Variants in DUSP16 observed in about 807,000 individuals in gnomAD.
DUSP16 encodes the protein dual specificity protein phosphatase 16.
Under a neutral mutation model 58.3 loss-of-function variants are expected in DUSP16, and 21 were observed. The ratio of observed to expected loss-of-function variants is 0.36; its 90% confidence interval spans 0.26 to 0.52. DUSP16 has a LOEUF of 0.52. Among genes scored for constraint, DUSP16 ranks in the 20% least tolerant of loss-of-function variants. The pLI, the probability that DUSP16 is intolerant of heterozygous loss-of-function variation, is 0.94. For synonymous variants in DUSP16, 320 were observed against 323.8 expected (o/e 0.99, Z 0.12); for missense variants, 726 against 819.0 (o/e 0.89, Z 1.39).
At chr12:12,543,743 A>G (rs561198629) in intron 1 of DUSP16, among the ~76,000 whole-genome samples, 100 of 152,274 alleles carry the variant, frequency 6.6e-4, no homozygotes, top group African/African-American at 2.3e-3. Context: ...AGAAAAAAAG[A>G]ATTGGTTTAT....
In DUSP16 at chr12:12,562,843, C is replaced by T. The variant is rs983561410; in HGVS notation, c.-1092G>A. On this transcript the variant is annotated 5_prime_UTR_variant, in exon 1 of 7. Coordinates refer to ENST00000298573, the MANE Select transcript of DUSP16 (RefSeq NM_030640.3). Reference sequence around the variant, plus strand: ...TCGGGGAGGGGTCAGGTCATGTTCCCTTCCAGAGTCCGGCGACTCTGAGGC... The same window carrying T: ...TCGGGGAGGGGTCAGGTCATGTTCCTTTCCAGAGTCCGGCGACTCTGAGGC... Among the ~76,000 whole-genome samples the T allele has an allele frequency of 1.3e-5, 2 of 151,866 alleles. No homozygotes were observed. The highest frequency in any genetic ancestry group is 2.1e-4 in the South Asian group (1 of 4,838).
rs747693297 is a variant in DUSP16 at position 12,477,651 on chromosome 12, T to G, written c.1180A>C (p.Asn394His). The G allele has an allele frequency of 6.2e-7, 1 of 1,614,238 alleles. No homozygotes were observed. The highest frequency in any genetic ancestry group is 8.5e-7 in the Non-Finnish European group (1 of 1,180,046). Residue 394 changes from asparagine (N) to histidine (H), a missense_variant, in exon 7 of 7, where the codon AAT becomes CAT. Physicochemically the swap from Asn to His is moderately conservative, Grantham distance 68 (BLOSUM62 1). Transcript: ENST00000298573. This position sits in a 1 kb window ranked among gnomAD's most constrained non-coding sequence, Gnocchi z 4.1. ...HLSADRLEDS[N>H]KLKRSFSLDI... The stretch of plus-strand genomic sequence containing the variant: ...AGAGAGAAGGAACGCTTGAGCTTAT[T>G]GCTGTCTTCCAGCCTGTCTGCGGAC...
intron 3 of DUSP16, among the ~76,000 whole-genome samples, chr12:12,518,281 G>A (rs1401428776): frequency 4.6e-5 from 7 of 151,992 alleles, no homozygotes; most frequent in Non-Finnish European, 8.8e-5. Flanking sequence ...TTGGGAGGCC[G>A]AGGCAGGCAG....
At position 12,521,451 on chromosome 12, in the gene DUSP16, C is replaced by A; in HGVS notation, c.-353G>T. 1 of 1,123,160 alleles carries A rather than the reference C, an allele frequency of 8.9e-7. No individual in the cohort carries two copies. Among genetic ancestry groups the A allele is most frequent in the Non-Finnish European group, 1.1e-6 (1 of 912,974 alleles). 69.6% of individuals were successfully genotyped at this position (1,123,160 alleles called of 1,614,324 possible). ...GCTCCCGCGCTCCAACAGCTTTACA[C>A]TGGACTGAAAGCCTACGCGGAGAGA... On this transcript the variant is annotated 5_prime_UTR_variant, in exon 2 of 7. Transcript: ENST00000298573.
intron 1 of DUSP16, among the ~76,000 whole-genome samples, chr12:12,547,531 TAAAAAAA>T (rs761142479): frequency 2.7e-3 from 177 of 66,672 alleles, no homozygotes; most frequent in African/African-American, 4.9e-3. Flanking sequence ...TGAGTAGGCT[TAAAAAAA>T]AAAAAAAAAA....
At position 12,476,692 on chromosome 12, in the gene DUSP16, G is replaced by T; in HGVS notation, c.*141C>A. Reference sequence around the variant, plus strand: ...ATGTTAAGAGAGTAACAACTGGGTTGATCCACCTGTTGCTTTTACACCATA... The same window carrying T: ...ATGTTAAGAGAGTAACAACTGGGTTTATCCACCTGTTGCTTTTACACCATA... On this transcript the variant is annotated 3_prime_UTR_variant, in exon 7 of 7. Transcript: ENST00000298573. The T allele has an allele frequency of 1.5e-6, 1 of 674,522 alleles. No homozygotes were observed. Among genetic ancestry groups the T allele is most frequent in the Non-Finnish European group, 2.4e-6 (1 of 410,526 alleles). 41.8% of individuals were successfully genotyped at this position (674,522 alleles called of 1,614,324 possible).
chr12:12,484,766 T>C (rs1943646501), intron 5 of DUSP16, among the ~76,000 whole-genome samples: 1 of 148,768 alleles, frequency 6.7e-6, no homozygotes, highest in African/African-American at 2.5e-5. Context: ...GGATTACAGG[T>C]GCCCGCCACC....
chr12:12,518,001 C>T (rs1340792414), intron 3 of DUSP16, among the ~76,000 whole-genome samples: 1 of 152,182 alleles, frequency 6.6e-6, no homozygotes, highest in Non-Finnish European at 1.5e-5. Context: ...GATTAAGAAC[C>T]TTCCCAGGTA....
chr12:12,558,386 GTTTT>G (rs139098397), intron 1 of DUSP16, among the ~76,000 whole-genome samples: 1 of 143,370 alleles, frequency 7.0e-6, no homozygotes, highest in Non-Finnish European at 1.5e-5. Context: ...AAGATTATAT[GTTTT>G]TTTTTTTTTG....
At chr12:12,527,274 C>A (rs1293805243) in intron 1 of DUSP16, among the ~76,000 whole-genome samples, 1 of 151,880 alleles carries the variant, frequency 6.6e-6, no homozygotes, top group East Asian at 1.9e-4. Context: ...CTTTCAATAA[C>A]AGGAAAAAAA....
chr12:12,477,725 G>A lies in DUSP16; in HGVS notation c.1106C>T (p.Ser369Leu), dbSNP rs374755640. ...TACCAGCGGGCTGTCCTCTAACAGC[G>A]ACGGCTGCACGCTGGGCACGCTGGG... is the stretch of plus-strand genomic sequence containing the variant. ...SVPSVPSVQP[S>L]LLEDSPLVQA... Residue 369 changes from serine to leucine, a missense_variant, in exon 7 of 7, where the codon TCG becomes TTG. Ser to Leu is a moderately radical substitution (Grantham distance 145). Transcript: ENST00000298573. This position sits in a 1 kb window ranked among gnomAD's most constrained non-coding sequence, Gnocchi z 4.1. The A allele has an allele frequency of 2.9e-5, 46 of 1,610,804 alleles. No individual in the cohort carries two copies. The highest frequency in any genetic ancestry group is 2.0e-4 in the African/African-American group (15 of 73,474).
intron 5 of DUSP16, among the ~76,000 whole-genome samples, chr12:12,485,648 CCACAGGTG>C (rs1394540325): frequency 1.3e-5 from 2 of 152,034 alleles, no homozygotes; most frequent in Non-Finnish European, 2.9e-5. Flanking sequence ...GTAGGCGGGA[CCACAGGTG>C]CACTGGTAGA....
chr12:12,551,845 G>A (rs1944733251), intron 1 of DUSP16, among the ~76,000 whole-genome samples: 1 of 151,934 alleles, frequency 6.6e-6, no homozygotes, highest in African/African-American at 2.4e-5. Flanking sequence ...GGCGTGCACT[G>A]CCATGCCTGG....
intron 1 of DUSP16, among the ~76,000 whole-genome samples, chr12:12,555,581 T>C (rs1191773760): frequency 6.6e-6 from 1 of 152,236 alleles, no homozygotes; most frequent in Non-Finnish European, 1.5e-5. Context: ...TATCTTGCCA[T>C]ACCATTACAT....
intron 4 of DUSP16, among the ~76,000 whole-genome samples, chr12:12,499,029 A>G (rs1943872962): frequency 6.6e-6 from 1 of 152,212 alleles, no homozygotes; most frequent in Non-Finnish European, 1.5e-5. Context: ...AACTGCTGTC[A>G]CCTTTTTTAA....
chr12:12,476,773 G>A lies in DUSP16; in HGVS notation c.*60C>T, dbSNP rs895741953. ...ACATATATATATTTCAGATTTACAG[G>A]GAATTTTTTTGTGAACAAGAAAAAA... On this transcript the variant is annotated 3_prime_UTR_variant, in exon 7 of 7. Coordinates refer to ENST00000298573, the MANE Select transcript of DUSP16 (RefSeq NM_030640.3). The A allele has an allele frequency of 2.7e-5, 39 of 1,455,918 alleles. No homozygotes were observed. The highest frequency in any genetic ancestry group is 3.1e-5 in the Non-Finnish European group (34 of 1,089,346). The allele number at this position is 1,455,918 out of a possible 1,614,324, so 90.2% of individuals were successfully genotyped here. A position where few individuals can be genotyped will look rare whatever the true frequency, so the allele number is the denominator to read the frequency against.
chr12:12,532,830 C>T (rs1944410601), intron 1 of DUSP16, among the ~76,000 whole-genome samples: 3 of 152,040 alleles, frequency 2.0e-5, no homozygotes, highest in Admixed American at 6.6e-5. Flanking sequence ...TGCCTGTAAT[C>T]CCAGCTATTC....
Position 12,475,949 on chromosome 12 carries a change from C to T in DUSP16, c.*884G>A, listed in dbSNP as rs1943423988. The T allele has an allele frequency of 6.6e-6, 1 of 152,160 alleles. No individual in the cohort carries two copies. The highest frequency in any genetic ancestry group is 1.5e-5 in the Non-Finnish European group (1 of 68,014). 9.4% of individuals were successfully genotyped at this position (152,160 alleles called of 1,614,324 possible). ...ATTGACAATCCCATTTTAAACAATTCTTTGATTTACAAAGAGGGAGGTAGA... is the reference window on the plus strand; with the variant it reads ...ATTGACAATCCCATTTTAAACAATTTTTTGATTTACAAAGAGGGAGGTAGA... On this transcript the variant is annotated 3_prime_UTR_variant, in exon 7 of 7. Transcript: ENST00000298573.
intron 5 of DUSP16, among the ~76,000 whole-genome samples, chr12:12,485,855 G>A (rs1187740874): frequency 1.5e-5 from 2 of 133,614 alleles, no homozygotes; most frequent in African/African-American, 2.9e-5. Context: ...GTGCAATGGT[G>A]CAATCTTGGC....
Sources: gnomAD v4.1 joint callset for allele counts (sites outside exome capture counted in the v4.1 genomes callset) on GRCh38, gnomAD v4.1.1 for gene constraint, Gnocchi (gnomAD v3.1) non-coding constraint, MANE v1.5 for transcripts, NCBI Gene and HGNC (gene_info 2026-07-23, HGNC 2026-07-21) for gene names.